The following TNIK variants were observed in gnomAD, a reference collection of about 807,000 sequenced individuals.
TNIK encodes TRAF2 and NCK interacting kinase.
In TNIK, 49 loss-of-function variants were observed where a neutral mutation model predicts 191.3. The ratio of observed to expected loss-of-function variants is 0.26; its 90% CI spans 0.20 to 0.32. TNIK has a LOEUF of 0.32. TNIK is among the 10% of genes least tolerant of loss of function. TNIK has a pLI of 1.00. For missense variants in TNIK, 1,155 were observed against 1,702.3 expected (o/e 0.68, Z 5.66); for synonymous variants, 594 against 600.9 (o/e 0.99, Z 0.17).
chr3:171,244,578 T>C (rs34192685), intron 2 of TNIK, among the ~76,000 whole-genome samples: 1 of 152,044 alleles, frequency 6.6e-6, no homozygotes, highest in African/African-American at 2.4e-5. Flanking sequence ...CATTAGCCAG[T>C]ACATACTTTT....
intron 18 of TNIK, among the ~76,000 whole-genome samples, chr3:171,115,327 G>T (rs1211725455): frequency 1.3e-5 from 2 of 152,204 alleles, no homozygotes; most frequent in Non-Finnish European, 2.9e-5. Context: ...CACCAACTTT[G>T]TGAAACTTAC....
chr3:171,389,190 A>C (rs1719130850), intron 1 of TNIK, among the ~76,000 whole-genome samples: 1 of 152,178 alleles, frequency 6.6e-6, no homozygotes, highest in African/African-American at 2.4e-5. Context: ...CCTGGTACTT[A>C]TTAGGTCCTC....
At chr3:171,458,529 AAGAG>A (rs1336588666) in intron 1 of TNIK, among the ~76,000 whole-genome samples, 7 of 152,338 alleles carry the variant, frequency 4.6e-5, no homozygotes, top group Admixed American at 1.3e-4. Flanking sequence ...GATTAAGACG[AAGAG>A]AGAAAGACTT....
intron 32 of TNIK, 139 bp downstream of exon 32, chr3:171,066,048 A>G (rs1718395616): frequency 2.5e-6 from 3 of 1,186,168 alleles, no homozygotes. Flanking sequence ...GGATCAAACC[A>G]AATAATGCCA....
At chr3:171,224,743 C>G (rs1021972471) in intron 3 of TNIK, among the ~76,000 whole-genome samples, 1 of 152,012 alleles carries the variant, frequency 6.6e-6, no homozygotes, top group Non-Finnish European at 1.5e-5. Context: ...CTCCTAGATG[C>G]CGTAGGTCAA....
chr3:171,174,863 T>G (rs1409149174), intron 9 of TNIK, among the ~76,000 whole-genome samples: 2 of 152,014 alleles, frequency 1.3e-5, no homozygotes, highest in East Asian at 1.9e-4. Context: ...AGGGAATGAT[T>G]GTTGTAAGGA....
intron 4 of TNIK, among the ~76,000 whole-genome samples, chr3:171,198,882 T>G (rs531019695): frequency 8.5e-5 from 13 of 152,336 alleles, no homozygotes; most frequent in African/African-American, 3.1e-4. Flanking sequence ...AAATCCCATT[T>G]TGAAAAGTAC....
intron 2 of TNIK, among the ~76,000 whole-genome samples, chr3:171,330,637 G>A (rs1756307649): frequency 6.6e-6 from 1 of 152,016 alleles, no homozygotes; most frequent in Non-Finnish European, 1.5e-5. Flanking sequence ...TTTATTGTTG[G>A]GGGATTCTTA....
At chr3:171,360,577 T>C (rs1714823222) in intron 2 of TNIK, among the ~76,000 whole-genome samples, 1 of 152,040 alleles carries the variant, frequency 6.6e-6, no homozygotes, top group African/African-American at 2.4e-5. Context: ...AGCTAATGAG[T>C]CTCAAGGCCA....
At chr3:171,431,018 C>G (rs1023019693) in intron 1 of TNIK, among the ~76,000 whole-genome samples, 6 of 152,070 alleles carry the variant, frequency 3.9e-5, no homozygotes, top group African/African-American at 1.4e-4. Context: ...TGAAGAAACC[C>G]AGTAATAATG....
chr3:171,230,868 G>A (rs915788454), intron 2 of TNIK, among the ~76,000 whole-genome samples: 3 of 151,912 alleles, frequency 2.0e-5, no homozygotes, highest in Non-Finnish European at 4.4e-5. Context: ...GGCTCCATTT[G>A]CAGCCCAACC....
chr3:171,340,399 T>C (rs1481016427), intron 2 of TNIK, among the ~76,000 whole-genome samples: 3 of 152,210 alleles, frequency 2.0e-5, no homozygotes, highest in Admixed American at 6.5e-5. Context: ...ATCTCAGCCA[T>C]TGAGATCTGA....
chr3:171,237,503 GA>G (rs35646907), intron 2 of TNIK, among the ~76,000 whole-genome samples: 7,765 of 136,820 alleles, frequency 0.057, 283 homozygotes, highest in Middle Eastern at 0.12. Flanking sequence ...GATTCCCACG[GA>G]AAAAAAAAAA....
chr3:171,388,710 C>T (rs1719062676), intron 1 of TNIK, among the ~76,000 whole-genome samples: 3 of 152,222 alleles, frequency 2.0e-5, no homozygotes, highest in African/African-American at 7.2e-5. Context: ...ATCTTCAAAT[C>T]AGAGTAAGCA....
At chr3:171,268,048 CCTT>C (rs1459815198) in intron 2 of TNIK, among the ~76,000 whole-genome samples, 1 of 152,164 alleles carries the variant, frequency 6.6e-6, no homozygotes, top group Non-Finnish European at 1.5e-5. Context: ...TCTGAGGAGT[CCTT>C]CTGGAAAACC....
Position 171,167,137 on chromosome 3 carries a change from T to C in TNIK, c.907A>G (p.Lys303Glu). The C allele has an allele frequency of 6.2e-7, 1 of 1,613,856 alleles. No individual in the cohort carries two copies. The highest frequency in any genetic ancestry group is 1.1e-5 in the South Asian group (1 of 91,038). Reference protein sequence around the residue: ...PNERQVRIQLKDHIDRTKKKR... With the variant: ...PNERQVRIQLEDHIDRTKKKR... ...TTCTTTGTTCTATCAATATGGTCCT[T>C]GAGTTGAATGCGGACCTGTCGCTCA... Residue 303 changes from lysine to glutamate, a missense_variant, in exon 10 of 33, where the codon AAG (lysine) becomes GAG (glutamate). Around this residue, in one of 3 missense-constraint regions of TNIK, gnomAD observed 225 missense variants for 438.9 expected, o/e 0.51. Transcript: ENST00000436636.
rs146444386 is a variant in TNIK, at chr3:171,090,806, T to C, written c.2721+3033A>G. Reference sequence around the variant, plus strand: ...AGGTAGAACCACAGGGATAAGGGTATGCACTACAAGGGGAAATTTGTGCAT... The same window carrying C: ...AGGTAGAACCACAGGGATAAGGGTACGCACTACAAGGGGAAATTTGTGCAT... On this transcript the variant is annotated intron_variant, in intron 23 of 32. Transcript: ENST00000436636. Among the ~76,000 whole-genome samples the C allele has an allele frequency of 3.7e-4, 57 of 152,310 alleles. No homozygotes were observed. In the East Asian group the frequency reaches 3.9e-3, roughly 10 times the overall value.
At chr3:171,112,931 A>G (rs775062394) in intron 18 of TNIK, among the ~76,000 whole-genome samples, 2 of 152,084 alleles carry the variant, frequency 1.3e-5, no homozygotes, top group African/African-American at 2.4e-5. Context: ...TCACATTTCT[A>G]TTTCCTGAGA....
At chr3:171,263,493 A>G (rs1010796089) in intron 2 of TNIK, among the ~76,000 whole-genome samples, 3 of 152,170 alleles carry the variant, frequency 2.0e-5, no homozygotes, top group Admixed American at 6.5e-5. Flanking sequence ...TTCAAATTTC[A>G]ATGATGTTGC....
Sources: gnomAD v4.1 joint callset for allele counts (sites outside exome capture counted in the v4.1 genomes callset) on GRCh38, gnomAD v4.1.1 for gene constraint, gnomAD v4.1.1 regional missense constraint, MANE v1.5 for transcripts, NCBI Gene and HGNC (gene_info 2026-07-23, HGNC 2026-07-21) for gene names.